SLC5A9: variants seen among roughly 807,000 people sequenced by gnomAD.
The protein encoded by SLC5A9 is solute carrier family 5 member 9.
Under a neutral mutation model 70.9 loss-of-function variants are expected in SLC5A9, and 59 were observed. That is an observed-to-expected ratio of 0.83 (90% CI 0.68 to 1.03). The LOEUF is 1.03. Ranked by LOEUF, SLC5A9 falls within the 50% of genes least tolerant of loss-of-function variation. The pLI is 0.00. For missense variants in SLC5A9, 832 were observed against 881.1 expected (o/e 0.94, Z 0.71); for synonymous variants, 340 against 346.5 (o/e 0.98, Z 0.21).
intron 12 of SLC5A9, chr1:48,242,200 G>A: frequency 1.9e-6 from 1 of 513,030 alleles, no homozygotes. Context: ...TGAGGACAGG[G>A]CCCAGGTGTG....
chr1:48,246,787 T>C (rs1009894356), intron 13 of SLC5A9, among the ~76,000 whole-genome samples: 36 of 152,204 alleles, frequency 2.4e-4, no homozygotes, highest in Admixed American at 2.2e-3. Flanking sequence ...GCATATGTCA[T>C]TGATACATTT....
At chr1:48,243,051 C>T (rs1644410738) in intron 13 of SLC5A9, among the ~76,000 whole-genome samples, 1 of 152,130 alleles carries the variant, frequency 6.6e-6, no homozygotes, top group South Asian at 2.1e-4. Context: ...GTCCCTTCAC[C>T]TCCCCTAGGT....
intron 2 of SLC5A9, among the ~76,000 whole-genome samples, chr1:48,227,553 A>AGTGCAT (rs1476306325): frequency 2.8e-5 from 3 of 107,508 alleles, no homozygotes; most frequent in African/African-American, 1.1e-4. Flanking sequence ...TGTGGGTGTG[A>AGTGCAT]GTGCATGTGT....
At chr1:48,238,428 T>C (rs1644356062) in intron 11 of SLC5A9, 1 of 152,332 alleles carries the variant, frequency 6.6e-6, no homozygotes, top group Admixed American at 6.5e-5. Context: ...ATTCATGCAG[T>C]GCCACTGAAA....
intron 10 of SLC5A9, 49 bp from the exon 11 acceptor site, chr1:48,237,630 C>A: frequency 6.3e-7 from 1 of 1,593,522 alleles, no homozygotes; most frequent in South Asian, 1.1e-5. Context: ...CCCCACACCA[C>A]ACCATGCCCA....
At chr1:48,232,757 G>A (rs1036591566) in intron 8 of SLC5A9, among the ~76,000 whole-genome samples, 5 of 151,504 alleles carry the variant, frequency 3.3e-5, no homozygotes, top group African/African-American at 1.2e-4. Context: ...CTGCATTCCA[G>A]TTTGGGAGAC....
Position 48,247,824 on chromosome 1 carries a change from T to C in SLC5A9, c.*281T>C. ...CCTTACAGACCTACCTCAAACACAC[T>C]GTTTCCACCCTCTTCTTGAATGTAT... On this transcript the variant is annotated 3_prime_UTR_variant, in exon 14 of 14. Transcript: ENST00000438567. 2.1e-6 allele frequency: 1 copy of C among 478,588 alleles called. No homozygotes were observed. The highest frequency in any genetic ancestry group is 3.8e-6 in the Non-Finnish European group (1 of 263,386). The allele number at this position is 478,588 out of a possible 1,614,324, so 29.6% of individuals were successfully genotyped here. A position where few individuals can be genotyped will look rare whatever the true frequency, so the allele number is the denominator to read the frequency against.
At chr1:48,230,513 G>A (rs1644232590) in intron 4 of SLC5A9, 87 bp from the exon 5 acceptor site, 3 of 832,732 alleles carry the variant, frequency 3.6e-6, no homozygotes, top group Non-Finnish European at 6.3e-6. Context: ...AGGGTGCCTG[G>A]TGTTGCTGGG....
Position 48,222,857 on chromosome 1 carries a change from G to T in SLC5A9, c.121G>T (p.Val41Leu). Residue 41 changes from valine (V) to leucine (L), a missense_variant, in exon 1 of 14, where the codon GTG (valine) becomes TTG (leucine). Physicochemically the swap from Val to Leu is conservative, Grantham distance 32. Coordinates refer to ENST00000438567, the MANE Select transcript of SLC5A9 (RefSeq NM_001011547.3). ...TCTGCACGCCTACGACATCAGCGTG[G>T]TGGTCATCTACTTTGTCTTCGTCAT... The part of the protein sequence containing the change: ...VGLHAYDISV[V>L]VIYFVFVIAV... The T allele has an allele frequency of 6.2e-7, 1 of 1,614,148 alleles. No individual in the cohort carries two copies. The highest frequency in any genetic ancestry group is 8.5e-7 in the Non-Finnish European group (1 of 1,180,032).
At chr1:48,232,542 G>C in intron 8 of SLC5A9, 40 bp downstream of exon 8, 1 of 1,610,522 alleles carries the variant, frequency 6.2e-7, no homozygotes, top group South Asian at 1.1e-5. Flanking sequence ...GGGATCTGAG[G>C]CTTTCAAGGA....
At chr1:48,247,116 A>G (rs1006717228) in intron 13 of SLC5A9, among the ~76,000 whole-genome samples, 4 of 152,198 alleles carry the variant, frequency 2.6e-5, no homozygotes, top group African/African-American at 9.7e-5. Flanking sequence ...GGCCAAGATC[A>G]GAACGTAGTC....
Position 48,247,673 on chromosome 1 carries a change from A to G in SLC5A9, c.*130A>G. The G allele has an allele frequency of 1.2e-6, 1 of 852,646 alleles. No homozygotes were observed. The highest frequency in any genetic ancestry group is 1.9e-6 in the Non-Finnish European group (1 of 532,166). 52.8% of individuals were successfully genotyped at this position (852,646 alleles called of 1,614,324 possible). On this transcript the variant is annotated 3_prime_UTR_variant, in exon 14 of 14. Coordinates refer to ENST00000438567, the MANE Select transcript of SLC5A9 (RefSeq NM_001011547.3). ...GAAGTCAAGACTGCAAGCTCCCCTG[A>G]AGAGAATCCAACTCAACCTGCACAC...
intron 1 of SLC5A9, 62 bp downstream of exon 1, chr1:48,222,960 G>T: frequency 6.4e-7 from 1 of 1,572,342 alleles, no homozygotes; most frequent in East Asian, 2.3e-5. Context: ...AGCTTGGGTG[G>T]GGCTGTGGAG....
intron 3 of SLC5A9, 96 bp downstream of exon 3, chr1:48,229,050 AG>A (rs922624455): frequency 3.7e-5 from 60 of 1,613,786 alleles, no homozygotes; most frequent in Non-Finnish European, 5.1e-5. Flanking sequence ...GATGCCTGGG[AG>A]GCTACATGGT....
chr1:48,223,338 T>C (rs72904027), intron 1 of SLC5A9, among the ~76,000 whole-genome samples: 1 of 152,124 alleles, frequency 6.6e-6, no homozygotes, highest in African/African-American at 2.4e-5. Context: ...CAGGGAAGTG[T>C]GCCAGGCTTA....
chr1:48,240,178 G>A (rs1644375889), intron 12 of SLC5A9, among the ~76,000 whole-genome samples: 1 of 152,206 alleles, frequency 6.6e-6, no homozygotes, highest in African/African-American at 2.4e-5. Flanking sequence ...GAAGTGAGAA[G>A]TCTGAGATCA....
In SLC5A9 at chr1:48,228,892, T is replaced by C. The variant is rs761869637; in HGVS notation, c.277T>C (p.Phe93Leu). 5 of 1,613,812 alleles carry C rather than the reference T, an allele frequency of 3.1e-6. No homozygotes were observed. In the East Asian group the frequency reaches 6.7e-5, roughly 22 times the overall value. The change falls in exon 3 of 14, where the codon TTC becomes CTC. Residue 93 changes from phenylalanine to leucine, a missense_variant. By Grantham distance (22) the Phe-to-Leu change is conservative (BLOSUM62 0). Coordinates refer to ENST00000438567, the MANE Select transcript of SLC5A9 (RefSeq NM_001011547.3). Reference protein sequence around the residue: ...LMSSNVGSGLFIGLAGTGAAG... With the variant: ...LMSSNVGSGLLIGLAGTGAAG... ...GTCCAGCAATGTGGGCAGTGGCTTG[T>C]TCATCGGCCTGGCTGGGACAGGGGC...
Position 48,232,471 on chromosome 1 carries a change from G to A in SLC5A9, c.1002G>A (p.Met334Ile). Residue 334 changes from methionine (M) to isoleucine (I), a missense_variant, in exon 8 of 14, where the codon ATG becomes ATA. Physicochemically the swap from Met to Ile is conservative, Grantham distance 10. Transcript: ENST00000438567. ...TCCTCCCCATGTTCTTCATCGTCAT[G>A]CCTGGCATGATCAGCCGGGCCCTGT... ...LKILPMFFIV[M>I]PGMISRALFP... The A allele has an allele frequency of 6.2e-7, 1 of 1,614,204 alleles. No homozygotes were observed. Among genetic ancestry groups the A allele is most frequent in the Middle Eastern group, 1.6e-4 (1 of 6,062 alleles).
At chr1:48,231,196 A>G (rs1055011214) in intron 5 of SLC5A9, among the ~76,000 whole-genome samples, 1 of 152,172 alleles carries the variant, frequency 6.6e-6, no homozygotes, top group Non-Finnish European at 1.5e-5. Context: ...GGGGGCATTT[A>G]GATGGGCATT....
Sources: gnomAD v4.1 joint callset for allele counts (sites outside exome capture counted in the v4.1 genomes callset) on GRCh38, gnomAD v4.1.1 for gene constraint, MANE v1.5 for transcripts, NCBI Gene and HGNC (gene_info 2026-07-23, HGNC 2026-07-21) for gene names.